Variants in PRKCZ observed in about 807,000 individuals in gnomAD.
The protein encoded by PRKCZ is protein kinase C zeta, also known as protein kinase C zeta type.
A neutral mutation model predicts 79.5 loss-of-function variants in PRKCZ; 33 were observed. The observed-to-expected ratio is 0.41, with a 90% CI of 0.31 to 0.55. The LOEUF (loss-of-function observed/expected upper bound fraction) is 0.55. Ranked by LOEUF, PRKCZ falls within the 20% of genes least tolerant of loss-of-function variation. The pLI is 0.19. For missense variants in PRKCZ, 578 were observed against 813.5 expected (o/e 0.71, Z 3.52); for synonymous variants, 342 against 320.9 (o/e 1.07, Z -0.70).
chr1:2,155,328 G>A (rs1238901599), intron 9 of PRKCZ, among the ~76,000 whole-genome samples: 1 of 151,736 alleles, frequency 6.6e-6, no homozygotes, highest in Non-Finnish European at 1.5e-5. Flanking sequence ...AGTGATGATG[G>A]TAGTGGTGAT....
Position 2,150,910 on chromosome 1 carries a change from C to A in PRKCZ, c.808C>A (p.Arg270=), listed in dbSNP as rs1679762379. 1 of 1,614,038 alleles carries A rather than the reference C, an allele frequency of 6.2e-7. No homozygotes were observed. Among genetic ancestry groups the A allele is most frequent in the East Asian group, 2.2e-5 (1 of 44,898 alleles). ...RGSYAKVLLV[R]LKKNDQIYAM... ...GAGCTACGCCAAGGTTCTCCTGGTG[C>A]GGTTGAAGAAGAATGACCAAATTTA... Residue 270 remains arginine, a synonymous_variant, in exon 9 of 18, where the codon CGG becomes AGG. Coordinates refer to ENST00000378567, the MANE Select transcript of PRKCZ (RefSeq NM_002744.6).
At chr1:2,100,381 A>G (rs1041923636) in intron 4 of PRKCZ, among the ~76,000 whole-genome samples, 8 of 152,220 alleles carry the variant, frequency 5.3e-5, no homozygotes, top group Non-Finnish European at 4.4e-5. Context: ...CCCTGCCCAG[A>G]GGCCCCAGCT....
At chr1:2,092,951 G>A (rs999555285) in intron 4 of PRKCZ, among the ~76,000 whole-genome samples, 4 of 152,214 alleles carry the variant, frequency 2.6e-5, no homozygotes, top group Admixed American at 6.5e-5. Context: ...CCCAGGCCTC[G>A]GGCCCTGCCT....
intron 1 of PRKCZ, among the ~76,000 whole-genome samples, chr1:2,052,702 C>G (rs1449089763): frequency 1.3e-5 from 2 of 152,138 alleles, no homozygotes; most frequent in Non-Finnish European, 2.9e-5. Context: ...TGGGGTGGGA[C>G]ACTCAGGCCT....
rs370422954 is a variant in PRKCZ at position 2,161,141 on chromosome 1, C to T, written c.974+5049C>T. ...AGAAGGAGAGATCCTGACTGACACC[C>T]GTAGGGCCCAGCGTGGGCGCAGCCG... On this transcript the variant is annotated intron_variant, in intron 10 of 17. Transcript: ENST00000378567. Among the ~76,000 whole-genome samples, 39 of 152,344 alleles carry T rather than the reference C, an allele frequency of 2.6e-4. No homozygotes were observed. In the East Asian group the frequency reaches 3.5e-3, roughly 14 times the overall value.
upstream of PRKCZ, among the ~76,000 whole-genome samples, chr1:2,048,782 G>A (rs1197871159): frequency 6.6e-6 from 1 of 152,180 alleles, no homozygotes; most frequent in African/African-American, 2.4e-5. Context: ...GACCAGGAGG[G>A]CGAGGGATGG....
chr1:2,057,615 C>T (rs921468938), intron 3 of PRKCZ, among the ~76,000 whole-genome samples: 4 of 152,170 alleles, frequency 2.6e-5, no homozygotes, highest in Non-Finnish European at 5.9e-5. Flanking sequence ...ACTGTAATCC[C>T]AGCACTTTGG....
At chr1:2,164,982 T>G (rs3128306) in intron 10 of PRKCZ, among the ~76,000 whole-genome samples, 1 of 152,118 alleles carries the variant, frequency 6.6e-6, no homozygotes, top group Admixed American at 6.5e-5. Flanking sequence ...CGTCCTTTCA[T>G]GTTGAGGACA....
In PRKCZ at chr1:2,177,431, G is replaced by A. The variant is rs114807526; in HGVS notation, c.1575+2118G>A. Among the ~76,000 whole-genome samples, 318 of 152,280 alleles carry A rather than the reference G, an allele frequency of 2.1e-3. 1 individual carries two copies. Among genetic ancestry groups the A allele is most frequent in the African/African-American group, 7.1e-3 (297 of 41,548 alleles). ...GCACCATGGGATCCAGGGAGAGCCC[G>A]ATCCTGGGTGCAGCCTTGGTGCCAG... On this transcript the variant is annotated intron_variant, in intron 16 of 17. Coordinates refer to ENST00000378567, the MANE Select transcript of PRKCZ (RefSeq NM_002744.6). This position sits in a 1 kb window ranked among gnomAD's most constrained non-coding sequence, Gnocchi z 6.4.
In PRKCZ at chr1:2,146,575, T is replaced by TG. The variant is rs371885969; in HGVS notation, c.634+471dup. ...GATTTTTGTGAGGTTTTGTTTGTTG[T>TG]GGGGAAGGACTTGTTTTATTGCTAA... On this transcript the variant is annotated intron_variant, in intron 7 of 17. Transcript: ENST00000378567. Among the ~76,000 whole-genome samples, 517 of 152,296 alleles carry TG rather than the reference T, an allele frequency of 3.4e-3. 4 individuals carry two copies. Among genetic ancestry groups the TG allele is most frequent in the African/African-American group, 0.012 (489 of 41,558 alleles).
intron 3 of PRKCZ, among the ~76,000 whole-genome samples, chr1:2,057,111 G>A (rs1251609178): frequency 3.3e-5 from 5 of 152,188 alleles, no homozygotes; most frequent in East Asian, 3.8e-4. Context: ...AGTGGCCAGC[G>A]TAGGGCCCGC....
At chr1:2,163,623 G>T (rs1218434542) in intron 10 of PRKCZ, among the ~76,000 whole-genome samples, 2 of 152,164 alleles carry the variant, frequency 1.3e-5, no homozygotes, top group African/African-American at 4.8e-5. Flanking sequence ...GGGTGCGGTG[G>T]CTCACGCCTG....
intron 4 of PRKCZ, among the ~76,000 whole-genome samples, chr1:2,081,648 G>A (rs1663540999): frequency 6.6e-6 from 1 of 152,192 alleles, no homozygotes; most frequent in African/African-American, 2.4e-5. Context: ...TGGTGGCGTG[G>A]TGATGTCGGG....
intron 1 of PRKCZ, among the ~76,000 whole-genome samples, chr1:2,051,877 G>C (rs1659696791): frequency 6.6e-6 from 1 of 152,192 alleles, no homozygotes; most frequent in Admixed American, 6.5e-5. Flanking sequence ...GGCCTCTGCA[G>C]CTCCCCTGTG....
chr1:2,161,402 T>C (rs1325468093), intron 10 of PRKCZ, among the ~76,000 whole-genome samples: 1 of 152,218 alleles, frequency 6.6e-6, no homozygotes, highest in Middle Eastern at 3.2e-3. Flanking sequence ...TGCGAGGGCG[T>C]CCTGCACTCT....
intron 4 of PRKCZ, among the ~76,000 whole-genome samples, chr1:2,107,163 G>C (rs1668713291): frequency 6.6e-6 from 1 of 152,260 alleles, no homozygotes; most frequent in Non-Finnish European, 1.5e-5. Flanking sequence ...GCGGAGCACT[G>C]GTGTGCAGTT....
chr1:2,179,200 C>T (rs755754422), intron 16 of PRKCZ, among the ~76,000 whole-genome samples: 5 of 152,364 alleles, frequency 3.3e-5, no homozygotes, highest in South Asian at 2.1e-4. Flanking sequence ...CACCCTCCGC[C>T]GGTCCAGGCA....
chr1:2,149,055 G>A lies in PRKCZ; in HGVS notation c.687+131G>A, dbSNP rs1387495582. ...CGGGGTGTTGCTAACTAATCTTCAC[G>A]GGTGTGGATGTCTAGAAGGAAGTCC... On this transcript the variant is annotated intron_variant, in intron 8 of 17. Transcript: ENST00000378567. This position sits in a 1 kb window ranked among gnomAD's most constrained non-coding sequence, Gnocchi z 4.1. 2.0e-5 allele frequency: 19 copies of A among 953,226 alleles called. No homozygotes were observed. The highest frequency in any genetic ancestry group is 1.3e-4 in the South Asian group (9 of 67,090). 59.0% of individuals were successfully genotyped at this position (953,226 alleles called of 1,614,324 possible). A position where few individuals can be genotyped will look rare whatever the true frequency, so the allele number is the denominator to read the frequency against.
At position 2,173,599 on chromosome 1, in the gene PRKCZ, G is replaced by A. The variant is rs1047055690; in HGVS notation, c.1286-298G>A. Among the ~76,000 whole-genome samples the A allele has an allele frequency of 6.6e-6, 1 of 152,242 alleles. No individual in the cohort carries two copies. Among genetic ancestry groups the A allele is most frequent in the Non-Finnish European group, 1.5e-5 (1 of 68,038 alleles). On this transcript the variant is annotated intron_variant, in intron 13 of 17. Transcript: ENST00000378567. This position sits in a 1 kb window ranked among gnomAD's most constrained non-coding sequence, Gnocchi z 5.7. ...GAAGCAGAAACGAGAGAGGAGGGTCGTCCGCAGGTTCCACCAGTGCCTCGT... is the reference window on the plus strand; with the variant it reads ...GAAGCAGAAACGAGAGAGGAGGGTCATCCGCAGGTTCCACCAGTGCCTCGT...
Sources: gnomAD v4.1 joint callset for allele counts (sites outside exome capture counted in the v4.1 genomes callset) on GRCh38, gnomAD v4.1.1 for gene constraint, Gnocchi (gnomAD v3.1) non-coding constraint, MANE v1.5 for transcripts, NCBI Gene and HGNC (gene_info 2026-07-23, HGNC 2026-07-21) for gene names.